Variants in MEI4 observed in about 807,000 individuals in gnomAD.
The protein encoded by MEI4 is meiotic double-stranded break formation protein 4.
MEI4 carries 27 observed loss-of-function variants against 31.4 expected under a neutral mutation model. The observed-to-expected ratio is 0.86, with a 90% CI of 0.63 to 1.19. MEI4 has a LOEUF of 1.19. Among genes scored for constraint, MEI4 ranks in the 50% most tolerant of loss-of-function variants. The probability of loss-of-function intolerance (pLI) is 0.00; values close to 1 mark genes in which losing one functional copy is unlikely to be tolerated. For synonymous variants in MEI4, 122 were observed against 145.4 expected, an observed-to-expected ratio of 0.84 and a Z score of 1.16; for missense variants, 329 against 398.9, an observed-to-expected ratio of 0.82 and a Z score of 1.49.
chr6:77,707,827 C>T (rs373312052), intron 2 of MEI4, among the ~76,000 whole-genome samples: 53 of 152,318 alleles, frequency 3.5e-4, no homozygotes, highest in African/African-American at 6.5e-4. Context: ...CTCTAGAGGG[C>T]GCAAGCCATA....
intron 2 of MEI4, among the ~76,000 whole-genome samples, chr6:77,729,018 C>T (rs925209229): frequency 1.3e-5 from 2 of 152,184 alleles, no homozygotes; most frequent in African/African-American, 4.8e-5. Flanking sequence ...ATGTAAGGCT[C>T]TACTTTCACA....
intron 4 of MEI4, among the ~76,000 whole-genome samples, chr6:77,872,458 AAAAT>A (rs1454745354): frequency 6.6e-6 from 1 of 152,268 alleles, no homozygotes; most frequent in African/African-American, 2.4e-5. Flanking sequence ...CCAGCCTCTA[AAAAT>A]AAATAAATGA....
chr6:77,680,880 T>G (rs1017281198), intron 1 of MEI4, among the ~76,000 whole-genome samples: 21 of 152,314 alleles, frequency 1.4e-4, no homozygotes, highest in African/African-American at 5.1e-4. Context: ...GGATCCTTTA[T>G]CAGAATTAAT....
At chr6:77,669,915 A>T (rs1582006991) in intron 1 of MEI4, among the ~76,000 whole-genome samples, 2 of 152,348 alleles carry the variant, frequency 1.3e-5, no homozygotes, top group East Asian at 3.9e-4. Context: ...TTTAACTGCC[A>T]CACAACTTTG....
intron 4 of MEI4, among the ~76,000 whole-genome samples, chr6:77,890,458 A>T (rs2127731856): frequency 6.6e-6 from 1 of 152,308 alleles, no homozygotes; most frequent in Admixed American, 6.5e-5. Context: ...ATTTACCCAA[A>T]GCCTGTACCC....
At chr6:77,893,476 G>A (rs1766011512) in intron 4 of MEI4, among the ~76,000 whole-genome samples, 1 of 152,096 alleles carries the variant, frequency 6.6e-6, no homozygotes, top group Admixed American at 6.6e-5. Flanking sequence ...TAACACTTTG[G>A]ACATAACCGT....
At chr6:77,874,168 G>A (rs191450940) in intron 4 of MEI4, among the ~76,000 whole-genome samples, 47 of 152,236 alleles carry the variant, frequency 3.1e-4, no homozygotes, top group African/African-American at 1.1e-3. Context: ...TGATGGGGAT[G>A]GCATTGAATC....
intron 4 of MEI4, among the ~76,000 whole-genome samples, chr6:77,870,802 G>T (rs1771172122): frequency 6.6e-6 from 1 of 152,036 alleles, no homozygotes; most frequent in Admixed American, 6.6e-5. Context: ...CTTGTGTTTT[G>T]AATTTGTAAT....
In MEI4 at chr6:77,771,318, A is replaced by T. The variant is rs138830642; in HGVS notation, c.768+9653A>T. 3.9e-4 allele frequency among the ~76,000 whole-genome samples: 60 copies of T among 152,196 alleles called. No individual in the cohort carries two copies. The East Asian group carries it at 8.5e-3, about 22-fold the overall frequency. On this transcript the variant is annotated intron_variant, in intron 3 of 4. Transcript: ENST00000684080. The stretch of plus-strand genomic sequence containing the variant: ...TGCTGGCAAGGTTGTGGAGAAAAGG[A>T]AACACTTATACATTGTTGGGGGGAG...
chr6:77,777,483 A>G (rs1768481569), intron 3 of MEI4, among the ~76,000 whole-genome samples: 1 of 151,738 alleles, frequency 6.6e-6, no homozygotes, highest in Non-Finnish European at 1.5e-5. Context: ...TCAGTAAAAG[A>G]CTGGATATTT....
chr6:77,922,222 T>C (rs1766719337), intron 4 of MEI4, among the ~76,000 whole-genome samples: 1 of 151,710 alleles, frequency 6.6e-6, no homozygotes, highest in South Asian at 2.1e-4. Context: ...TTCGTAAATG[T>C]TCCCAAAGGA....
At chr6:77,654,391 G>T (rs944223461) in intron 1 of MEI4, among the ~76,000 whole-genome samples, 10 of 151,716 alleles carry the variant, frequency 6.6e-5, no homozygotes, top group Admixed American at 2.6e-4. Flanking sequence ...ACCTAAGTTA[G>T]GTTAAATGGT....
chr6:77,920,973 T>G (rs1051897634), intron 4 of MEI4, among the ~76,000 whole-genome samples: 2 of 151,916 alleles, frequency 1.3e-5, no homozygotes, highest in Admixed American at 1.3e-4. Context: ...GATTCCAGAA[T>G]TGTTGAAATG....
chr6:77,738,568 T>C (rs952112804), intron 2 of MEI4, among the ~76,000 whole-genome samples: 1 of 152,184 alleles, frequency 6.6e-6, no homozygotes, highest in South Asian at 2.1e-4. Context: ...TGCATGTGTC[T>C]TTATAGTAGA....
intron 2 of MEI4, among the ~76,000 whole-genome samples, chr6:77,715,483 T>C (rs540471793): frequency 6.6e-6 from 1 of 152,340 alleles, no homozygotes; most frequent in South Asian, 2.1e-4. Flanking sequence ...AAAGTAATTA[T>C]AGTTTTATCG....
intron 4 of MEI4, among the ~76,000 whole-genome samples, chr6:77,836,901 T>A (rs1012974375): frequency 4.6e-5 from 7 of 152,140 alleles, no homozygotes; most frequent in South Asian, 2.1e-4. Context: ...GAACTTTTTT[T>A]ATTTAATCTT....
rs569250202 is a variant in MEI4 at position 77,676,972 on chromosome 6, G to T, written c.-14-13686G>T. Among the ~76,000 whole-genome samples the T allele has an allele frequency of 3.9e-5, 6 of 152,208 alleles. No individual in the cohort carries two copies. In the South Asian group the frequency reaches 1.2e-3, roughly 32 times the overall value. ...TGAGTTGTCACACATTACACAGAATGGTTATTAGAATGATGAACATAGGCT... is the reference window on the plus strand; with the variant it reads ...TGAGTTGTCACACATTACACAGAATTGTTATTAGAATGATGAACATAGGCT... On this transcript the variant is annotated intron_variant, in intron 1 of 4. Transcript: ENST00000684080.
intron 3 of MEI4, among the ~76,000 whole-genome samples, chr6:77,769,024 C>A (rs1346660422): frequency 6.6e-6 from 1 of 152,132 alleles, no homozygotes; most frequent in Non-Finnish European, 1.5e-5. Context: ...CAGGAAAGGA[C>A]CTTCATAAGA....
chr6:77,727,782 A>G (rs1766864331), intron 2 of MEI4, among the ~76,000 whole-genome samples: 1 of 152,362 alleles, frequency 6.6e-6, no homozygotes, highest in East Asian at 1.9e-4. Context: ...TCCATAAACC[A>G]TAAGCCTATA....
Sources: allele counts gnomAD v4.1 joint callset (sites outside exome capture counted in the v4.1 genomes callset), GRCh38; gene constraint gnomAD v4.1.1; transcripts MANE v1.5; gene names NCBI Gene and HGNC (gene_info 2026-07-23, HGNC 2026-07-21).